TRDN: variants seen among roughly 807,000 people sequenced by gnomAD.
TRDN encodes triadin.
In TRDN, 161 loss-of-function variants were observed where a neutral mutation model predicts 149.7. The ratio of observed to expected loss-of-function variants is 1.08; its 90% CI spans 0.95 to 1.23. TRDN has a LOEUF of 1.23. Ranked by LOEUF, TRDN falls within the 50% of genes most tolerant of loss-of-function variation. The probability of loss-of-function intolerance (pLI) is 0.00; values close to 1 mark genes in which losing one functional copy is unlikely to be tolerated. For missense variants in TRDN, 896 were observed against 823.5 expected, an observed-to-expected ratio of 1.09 and a Z score of -1.08; for synonymous variants, 294 against 250.5, an observed-to-expected ratio of 1.17 and a Z score of -1.64.
chr6:123,564,129 A>T (rs1782148315), intron 2 of TRDN, among the ~76,000 whole-genome samples: 1 of 152,164 alleles, frequency 6.6e-6, no homozygotes, highest in African/African-American at 2.4e-5. Context: ...GGAAATATTG[A>T]ATTATAGAAC....
intron 2 of TRDN, among the ~76,000 whole-genome samples, chr6:123,561,571 C>T (rs1028593192): frequency 6.6e-6 from 1 of 152,098 alleles, no homozygotes; most frequent in African/African-American, 2.4e-5. Flanking sequence ...TAATTATGCT[C>T]AACCCCCTTG....
intron 4 of TRDN, among the ~76,000 whole-genome samples, chr6:123,537,900 C>T (rs376420124): frequency 1.3e-5 from 2 of 152,288 alleles, no homozygotes; most frequent in East Asian, 3.9e-4. Flanking sequence ...CCAAAGCTTG[C>T]TGTTGAGTAG....
chr6:123,449,555 A>T (rs1775636279), intron 10 of TRDN, among the ~76,000 whole-genome samples: 1 of 152,170 alleles, frequency 6.6e-6, no homozygotes, highest in South Asian at 2.1e-4. Context: ...AAAGCTTCCA[A>T]GAAGTCTGGG....
chr6:123,229,902 T>A (rs1178595962), intron 38 of TRDN, among the ~76,000 whole-genome samples: 1 of 152,002 alleles, frequency 6.6e-6, no homozygotes, highest in East Asian at 1.9e-4. Context: ...AGATTTCTCA[T>A]TCTCAGCAAG....
At chr6:123,307,556 A>C (rs570334930) in intron 24 of TRDN, among the ~76,000 whole-genome samples, 146 of 151,988 alleles carry the variant, frequency 9.6e-4, no homozygotes, top group African/African-American at 3.5e-3. Flanking sequence ...AATTCCTATA[A>C]ACTAATTTCT....
chr6:123,623,181 T>C (rs74382679), intron 1 of TRDN, among the ~76,000 whole-genome samples: 3,173 of 152,104 alleles, frequency 0.021, 127 homozygotes, highest in African/African-American at 0.071. Context: ...TCTTTTTTTT[T>C]CCCTTTCTAT....
intron 10 of TRDN, among the ~76,000 whole-genome samples, chr6:123,454,381 G>A (rs1015891829): frequency 3.3e-5 from 5 of 152,094 alleles, no homozygotes; most frequent in East Asian, 1.9e-4. Flanking sequence ...GTCAAACAAG[G>A]TAAAAAAATA....
At chr6:123,492,059 G>A (rs1778246389) in intron 9 of TRDN, among the ~76,000 whole-genome samples, 1 of 152,112 alleles carries the variant, frequency 6.6e-6, no homozygotes. Flanking sequence ...ATTCCTTGAG[G>A]CTCTTTCTAG....
At chr6:123,606,659 GTATT>G (rs1397967712) in intron 1 of TRDN, among the ~76,000 whole-genome samples, 1 of 151,984 alleles carries the variant, frequency 6.6e-6, no homozygotes, top group African/African-American at 2.4e-5. Context: ...TGTCCATGCA[GTATT>G]TATTTAATAA....
At chr6:123,367,242 C>T (rs917979391) in intron 19 of TRDN, among the ~76,000 whole-genome samples, 4 of 152,010 alleles carry the variant, frequency 2.6e-5, no homozygotes, top group Non-Finnish European at 5.9e-5. Flanking sequence ...TGAATTTTCA[C>T]GAAGTCTTAT....
intron 24 of TRDN, among the ~76,000 whole-genome samples, chr6:123,279,563 G>A (rs577397595): frequency 3.5e-4 from 53 of 151,832 alleles, no homozygotes; most frequent in African/African-American, 1.3e-3. Flanking sequence ...TCTAGTACCT[G>A]TCTGTCACTG....
chr6:123,357,585 A>G (rs1233460151), intron 20 of TRDN, among the ~76,000 whole-genome samples: 1 of 152,170 alleles, frequency 6.6e-6, no homozygotes, highest in Non-Finnish European at 1.5e-5. Flanking sequence ...GCCTGAGTCT[A>G]TTCTATGAAT....
At chr6:123,232,908 G>A (rs1775658961) in intron 38 of TRDN, among the ~76,000 whole-genome samples, 1 of 152,018 alleles carries the variant, frequency 6.6e-6, no homozygotes, top group Non-Finnish European at 1.5e-5. Context: ...GCACGTATAT[G>A]TACCAGCTCA....
At chr6:123,454,460 C>T (rs780052769) in intron 10 of TRDN, among the ~76,000 whole-genome samples, 2 of 152,138 alleles carry the variant, frequency 1.3e-5, no homozygotes, top group African/African-American at 2.4e-5. Flanking sequence ...GAATAAAGCA[C>T]ATGAGCTTGT....
chr6:123,589,487 A>G (rs1479105223), intron 1 of TRDN, among the ~76,000 whole-genome samples: 8 of 152,110 alleles, frequency 5.3e-5, no homozygotes, highest in Admixed American at 5.2e-4. Flanking sequence ...TTCAATTTGG[A>G]AAAAAATACT....
intron 24 of TRDN, among the ~76,000 whole-genome samples, chr6:123,301,784 T>TACAC (rs1410437577): frequency 1.0e-5 from 1 of 97,020 alleles, no homozygotes; most frequent in South Asian, 4.9e-4. Flanking sequence ...TATATATATA[T>TACAC]ATACATAAAT....
intron 10 of TRDN, among the ~76,000 whole-genome samples, chr6:123,463,584 T>C (rs1203525014): frequency 6.6e-6 from 1 of 151,822 alleles, no homozygotes; most frequent in Non-Finnish European, 1.5e-5. Flanking sequence ...TTTATGTCCA[T>C]CTGGAAACAA....
intron 29 of TRDN, among the ~76,000 whole-genome samples, chr6:123,272,709 G>C (rs539594678): frequency 6.6e-6 from 1 of 151,850 alleles, no homozygotes; most frequent in Non-Finnish European, 1.5e-5. Context: ...CTAAGTGCTG[G>C]GTGACTATGG....
At chr6:123,551,875 T>G (rs56381630) in intron 2 of TRDN, among the ~76,000 whole-genome samples, 1 of 151,904 alleles carries the variant, frequency 6.6e-6, no homozygotes, top group African/African-American at 2.4e-5. Context: ...TCGTTTTGGG[T>G]GGGGAGATTT....
Sources: gnomAD v4.1 joint callset for allele counts (sites outside exome capture counted in the v4.1 genomes callset) on GRCh38, gnomAD v4.1.1 for gene constraint, MANE v1.5 for transcripts, NCBI Gene and HGNC (gene_info 2026-07-23, HGNC 2026-07-21) for gene names.